UBE2J1: variants seen among roughly 807,000 people sequenced by gnomAD.
UBE2J1 encodes ubiquitin conjugating enzyme E2 J1.
UBE2J1 carries 17 observed loss-of-function variants against 42.1 expected under a neutral mutation model. The ratio of observed to expected loss-of-function variants is 0.40; its 90% confidence interval spans 0.28 to 0.61. The LOEUF is 0.61. Among genes scored for constraint, UBE2J1 ranks in the 20% least tolerant of loss-of-function variants. The pLI, the probability that UBE2J1 is intolerant of heterozygous loss-of-function variation, is 0.38. For synonymous variants in UBE2J1, 127 were observed against 137.2 expected (o/e 0.93, Z 0.52); for missense variants, 291 against 389.4 (o/e 0.75, Z 2.13).
chr6:89,334,134 G>T (rs1471553551), intron 6 of UBE2J1, among the ~76,000 whole-genome samples: 1 of 152,028 alleles, frequency 6.6e-6, no homozygotes, highest in Non-Finnish European at 1.5e-5. Context: ...CTCCCAAGTA[G>T]CTGGGATTAC....
Position 89,326,734 on chromosome 6 carries a change from T to C in UBE2J1, c.*2945A>G, listed in dbSNP as rs1767917957. On this transcript the variant is annotated 3_prime_UTR_variant, in exon 8 of 8. Transcript: ENST00000435041. The stretch of plus-strand genomic sequence containing the variant: ...GCAATGCACAGCCTCCCATAAAACC[T>C]TAAAAAGTACATCTGTTAATGTGCA... The C allele has an allele frequency of 6.6e-6, 1 of 152,198 alleles. No homozygotes were observed. Among genetic ancestry groups the C allele is most frequent in the East Asian group, 1.9e-4 (1 of 5,206 alleles). The allele number at this position is 152,198 out of a possible 1,614,324, so 9.4% of individuals were successfully genotyped here.
intron 1 of UBE2J1, among the ~76,000 whole-genome samples, chr6:89,348,854 G>C (rs1768411777): frequency 6.6e-6 from 1 of 152,182 alleles, no homozygotes; most frequent in African/African-American, 2.4e-5. Context: ...TTAAAGGAAG[G>C]CATTCTAAGC....
intron 1 of UBE2J1, among the ~76,000 whole-genome samples, chr6:89,346,568 G>A (rs1306518732): frequency 1.3e-5 from 2 of 152,148 alleles, no homozygotes; most frequent in Admixed American, 6.5e-5. Context: ...CCGCCTCACC[G>A]TCTAGTCTGG....
chr6:89,339,117 T>C (rs1353278680), intron 3 of UBE2J1, among the ~76,000 whole-genome samples: 1 of 151,844 alleles, frequency 6.6e-6, no homozygotes, highest in African/African-American at 2.4e-5. Flanking sequence ...AAGTGAAATC[T>C]AAATAATTAA....
At chr6:89,336,502 A>T (rs9451206) in intron 5 of UBE2J1, among the ~76,000 whole-genome samples, 38,479 of 142,414 alleles carry the variant, frequency 0.27, 5,256 homozygotes, top group Middle Eastern at 0.36. Context: ...TTTTATTATT[A>T]TTTTTTTTTT....
rs764153308 is a variant in UBE2J1, at chr6:89,342,369, C to G, written c.192G>C (p.Leu64=). The G allele has an allele frequency of 4.3e-6, 7 of 1,613,806 alleles. No individual in the cohort carries two copies. The African/African-American group carries it at 9.3e-5, about 22-fold the overall frequency. ...GTGGTTTCATGGGATACTCTGGTGG[C>G]AGTACTATCCGCCCGTGATAAACTC... The part of the protein sequence containing the change: ...DGGVYHGRIV[L]PPEYPMKPPS... The change falls in exon 3 of 8, where the codon CTG becomes CTC. Residue 64 remains leucine, a synonymous_variant. Transcript: ENST00000435041.
At chr6:89,341,607 C>G (rs540769306) in intron 3 of UBE2J1, among the ~76,000 whole-genome samples, 33 of 151,992 alleles carry the variant, frequency 2.2e-4, no homozygotes, top group Non-Finnish European at 4.7e-4. Flanking sequence ...GCCTATAGTC[C>G]CAGCTACTCA....
In UBE2J1 at chr6:89,338,201, T is replaced by C; in HGVS notation, c.428+4A>G. 6.2e-7 allele frequency: 1 copy of C among 1,607,506 alleles called. No individual in the cohort carries two copies. Among genetic ancestry groups the C allele is most frequent in the Non-Finnish European group, 8.5e-7 (1 of 1,176,436 alleles). ...CCTCAAGAAGAATGAAATGCAAAAC[T>C]TACTTTTTGGCAAGTGCTCTTCTTT... is the stretch of plus-strand genomic sequence containing the variant. On this transcript the variant is annotated splice_donor_region_variant and intron_variant, in intron 5 of 7. Transcript: ENST00000435041.
At chr6:89,349,562 A>G (rs1394444835) in intron 1 of UBE2J1, among the ~76,000 whole-genome samples, 1 of 152,206 alleles carries the variant, frequency 6.6e-6, no homozygotes, top group Non-Finnish European at 1.5e-5. Flanking sequence ...GAGATATGAA[A>G]TACTAGGGTA....
intron 1 of UBE2J1, among the ~76,000 whole-genome samples, chr6:89,348,474 T>C (rs1336516529): frequency 1.3e-5 from 2 of 152,198 alleles, no homozygotes; most frequent in Non-Finnish European, 2.9e-5. Context: ...TCCCAAAGCA[T>C]GAGTGAAATG....
chr6:89,329,860 TGCTGGGCCCGGC>T lies in UBE2J1; in HGVS notation c.764_775del (p.Arg255_Gln258del), dbSNP rs1767974376. ...AGTAGACAACCTTCTCTGACTCTGC[TGCTGGGCCCGGC>T]GCTGTCGAGGGCTCATGGAGGTATT... On this transcript the variant is annotated inframe_deletion, in exon 8 of 8. Coordinates refer to ENST00000435041, the MANE Select transcript of UBE2J1 (RefSeq NM_016021.3). 2 of 1,614,138 alleles carry T rather than the reference TGCTGGGCCCGGC, an allele frequency of 1.2e-6. No homozygotes were observed. Among genetic ancestry groups the T allele is most frequent in the East Asian group, 4.5e-5 (2 of 44,884 alleles).
At chr6:89,346,712 A>C (rs1015963176) in intron 1 of UBE2J1, among the ~76,000 whole-genome samples, 1 of 150,680 alleles carries the variant, frequency 6.6e-6, no homozygotes, top group Admixed American at 6.6e-5. Flanking sequence ...CGTCCTAGGG[A>C]GGGGTAGAGA....
At position 89,334,006 on chromosome 6, in the gene UBE2J1, T is replaced by G. The variant is rs571384765; in HGVS notation, c.559-801A>C. Among the ~76,000 whole-genome samples, 10 of 152,052 alleles carry G rather than the reference T, an allele frequency of 6.6e-5. No individual in the cohort carries two copies. In the South Asian group the frequency reaches 1.2e-3, roughly 19 times the overall value. On this transcript the variant is annotated intron_variant, in intron 6 of 7. Transcript: ENST00000435041. ...CGTCTGTATGTATGTATGTATTTATTTATTTATATTTTTTTGAGATGGAGT... is the reference window on the plus strand; with the variant it reads ...CGTCTGTATGTATGTATGTATTTATGTATTTATATTTTTTTGAGATGGAGT...
intron 1 of UBE2J1, among the ~76,000 whole-genome samples, chr6:89,346,624 C>A (rs1007399304): frequency 1.3e-5 from 2 of 152,088 alleles, no homozygotes; most frequent in Admixed American, 6.6e-5. Context: ...CTCTATGACA[C>A]CTTCCCTGGT....
chr6:89,334,521 G>A (rs1768073820), intron 6 of UBE2J1, among the ~76,000 whole-genome samples: 1 of 149,824 alleles, frequency 6.7e-6, no homozygotes, highest in Non-Finnish European at 1.5e-5. Flanking sequence ...GCCCAGGCTG[G>A]AGTGCAATGG....
intron 1 of UBE2J1, among the ~76,000 whole-genome samples, chr6:89,345,544 G>A (rs1768347041): frequency 6.6e-6 from 1 of 152,136 alleles, no homozygotes; most frequent in South Asian, 2.1e-4. Context: ...GGAGGTTGCA[G>A]TGAGCTGAGG....
In UBE2J1 at chr6:89,342,385, T is replaced by A; in HGVS notation, c.176A>T (p.His59Leu). 1 of 1,613,750 alleles carries A rather than the reference T, an allele frequency of 6.2e-7. No homozygotes were observed. Among genetic ancestry groups the A allele is most frequent in the Non-Finnish European group, 8.5e-7 (1 of 1,179,890 alleles). ...PDSDFDGGVY[H>L]GRIVLPPEYP... ...CTCTGGTGGCAGTACTATCCGCCCGTGATAAACTCCTCCATCAAAATCGGA... is the reference window on the plus strand; with the variant it reads ...CTCTGGTGGCAGTACTATCCGCCCGAGATAAACTCCTCCATCAAAATCGGA... The change falls in exon 3 of 8, where the codon CAC becomes CTC. Residue 59 changes from histidine (H) to leucine (L), a missense_variant. By Grantham distance (99) the His-to-Leu change is moderately conservative. Coordinates refer to ENST00000435041, the MANE Select transcript of UBE2J1 (RefSeq NM_016021.3).
intron 3 of UBE2J1, among the ~76,000 whole-genome samples, chr6:89,338,822 G>C (rs981388629): frequency 2.0e-5 from 3 of 151,664 alleles, no homozygotes; most frequent in East Asian, 1.9e-4. Context: ...CCTGCCACCA[G>C]GCCTGGCTAA....
chr6:89,339,081 C>T (rs1053325960), intron 3 of UBE2J1, among the ~76,000 whole-genome samples: 4 of 151,944 alleles, frequency 2.6e-5, no homozygotes, highest in Admixed American at 6.6e-5. Context: ...AGGTGTTTTA[C>T]AGCACCTTTT....
Sources: allele counts gnomAD v4.1 joint callset (sites outside exome capture counted in the v4.1 genomes callset), GRCh38; gene constraint gnomAD v4.1.1; transcripts MANE v1.5; gene names NCBI Gene and HGNC (gene_info 2026-07-23, HGNC 2026-07-21).